The following NBEAL2 variants were observed in gnomAD, a reference collection of about 807,000 sequenced individuals.
The protein encoded by NBEAL2 is neurobeachin like 2, also known as neurobeachin-like protein 2.
A neutral mutation model predicts 299.8 loss-of-function variants in NBEAL2; 160 were observed. The observed-to-expected ratio is 0.53, with a 90% CI of 0.47 to 0.61. The LOEUF (loss-of-function observed/expected upper bound fraction) is 0.61, where lower values mean the gene tolerates loss of function less well. Ranked by LOEUF, NBEAL2 falls within the 20% of genes least tolerant of loss-of-function variation. The pLI, the probability that NBEAL2 is intolerant of heterozygous loss-of-function variation, is 0.00. For missense variants in NBEAL2, 3,112 were observed against 3,649.0 expected (o/e 0.85, Z 3.79); for synonymous variants, 1,493 against 1,542.3 (o/e 0.97, Z 0.75).
Position 47,002,694 on chromosome 3 carries a change from G to C in NBEAL2, c.5351G>C (p.Arg1784Pro). ...AGGCGGGCGCGCCTGGAGGGGCTAC[G>C]CTACACGGCAGTGCTGAAGCAGCAG... is the stretch of plus-strand genomic sequence containing the variant. The part of the protein sequence containing the change: ...AQRRARLEGL[R>P]YTAVLKQQAT... The change falls in exon 33 of 54, where the codon CGC (arginine) becomes CCC (proline). Residue 1784 changes from arginine (R) to proline (P), a missense_variant. Arg to Pro is a moderately radical substitution (Grantham distance 103). Around this residue, in one of 3 missense-constraint regions of NBEAL2, gnomAD observed 2,243 missense variants for 2,538.1 expected, o/e 0.88. Transcript: ENST00000450053. 1.2e-6 allele frequency: 2 copies of C among 1,603,448 alleles called. No homozygotes were observed. The highest frequency in any genetic ancestry group is 1.7e-6 in the Non-Finnish European group (2 of 1,176,886).
intron 11 of NBEAL2, 46 bp from the exon 12 acceptor site, chr3:46,994,409 C>A: frequency 6.6e-7 from 1 of 1,524,494 alleles, no homozygotes; most frequent in Non-Finnish European, 8.9e-7. Context: ...AGTTTGCCCT[C>A]CGGCCCATGT....
At position 46,989,070 on chromosome 3, in the gene NBEAL2, C is replaced by A; in HGVS notation, c.270-15C>A. On this transcript the variant is annotated splice_polypyrimidine_tract_variant and intron_variant, in intron 3 of 53. Coordinates refer to ENST00000450053, the MANE Select transcript of NBEAL2 (RefSeq NM_015175.3). The surrounding 1 kb of genome is among the most constrained non-coding windows in gnomAD (Gnocchi z 5.5). ...GGTGTATTATTGTGACCTCTCTCAT[C>A]ATTGACTCCCCCAGGAACCTGGAGA... 3 of 1,613,152 alleles carry A rather than the reference C, an allele frequency of 1.9e-6. No homozygotes were observed. The highest frequency in any genetic ancestry group is 1.7e-5 in the Admixed American group (1 of 59,880).
rs1302567862 is a variant in NBEAL2, at chr3:47,005,634, C to T, written c.6691+15C>T. On this transcript the variant is annotated intron_variant, in intron 41 of 53. Transcript: ENST00000450053. ...GAACCAGAACGGTAGGTGTGAGGTG[C>T]TCACACTGGAGCGGGCAGGTGTAGG... is the stretch of plus-strand genomic sequence containing the variant. The T allele has an allele frequency of 1.9e-6, 3 of 1,613,662 alleles. No individual in the cohort carries two copies. Among genetic ancestry groups the T allele is most frequent in the African/African-American group, 1.3e-5 (1 of 75,050 alleles).
rs764547656 is a variant in NBEAL2 at position 46,997,026 on chromosome 3, G to T, written c.2629G>T (p.Val877Leu). 1 of 1,613,322 alleles carries T rather than the reference G, an allele frequency of 6.2e-7. No individual in the cohort carries two copies. The highest frequency in any genetic ancestry group is 8.5e-7 in the Non-Finnish European group (1 of 1,179,720). ...GLDGRLTGHRVETWDVKDVVN... is the reference protein window; with the variant it reads ...GLDGRLTGHRLETWDVKDVVN... ...TGATGGGCGCCTGACGGGCCACAGA[G>T]TGGAGACCTGGGATGTGAAGGTCTG... The change falls in exon 18 of 54, where the codon GTG becomes TTG. Residue 877 changes from valine (V) to leucine (L), a missense_variant. Physicochemically the swap from Val to Leu is conservative, Grantham distance 32. Around this residue, in one of 3 missense-constraint regions of NBEAL2, gnomAD observed 2,243 missense variants for 2,538.1 expected, o/e 0.88. Coordinates refer to ENST00000450053, the MANE Select transcript of NBEAL2 (RefSeq NM_015175.3).
rs1184884284 is a variant in NBEAL2, at chr3:46,997,424, A to G, written c.2815A>G (p.Lys939Glu). The change falls in exon 19 of 54, where the codon AAA (lysine) becomes GAA (glutamate). Residue 939 changes from lysine (K) to glutamate (E), a missense_variant. Coordinates refer to ENST00000450053, the MANE Select transcript of NBEAL2 (RefSeq NM_015175.3). ...CCAGGGCCTGGTTCTCCCATTGGGT[A>G]AATCTTCAGGTAAGTGTTCCTGGTG... ...NTQGLVLPLGKSSEERMERNA... is the reference protein window; with the variant it reads ...NTQGLVLPLGESSEERMERNA... 3.1e-6 allele frequency: 5 copies of G among 1,608,926 alleles called. No homozygotes were observed. Among genetic ancestry groups the G allele is most frequent in the Non-Finnish European group, 4.2e-6 (5 of 1,177,416 alleles).
chr3:46,999,627 C>G lies in NBEAL2; in HGVS notation c.3704-3C>G, dbSNP rs552907954. The G allele has an allele frequency of 1.9e-6, 3 of 1,609,784 alleles. No homozygotes were observed. Among genetic ancestry groups the G allele is most frequent in the South Asian group, 1.1e-5 (1 of 90,992 alleles). On this transcript the variant is annotated splice_polypyrimidine_tract_variant and splice_region_variant and intron_variant, in intron 25 of 53. Transcript: ENST00000450053. ...CTCAGGTCCCCCCAACCCATCCCCC[C>G]AGATTGCCTGAACCTCTCAGATCTG...
Position 47,003,731 on chromosome 3 carries a change from G to T in NBEAL2, c.5721-85G>T. 6.8e-7 allele frequency: 1 copy of T among 1,471,820 alleles called. No homozygotes were observed. The highest frequency in any genetic ancestry group is 1.4e-5 in the South Asian group (1 of 73,394). 91.2% of individuals were successfully genotyped at this position (1,471,820 alleles called of 1,614,324 possible). A position where few individuals can be genotyped will look rare whatever the true frequency, so the allele number is the denominator to read the frequency against. On this transcript the variant is annotated intron_variant, in intron 35 of 53. Coordinates refer to ENST00000450053, the MANE Select transcript of NBEAL2 (RefSeq NM_015175.3). The surrounding 1 kb of genome is among the most constrained non-coding windows in gnomAD (Gnocchi z 7.0). ...GGAGTCATGAGAGTATATACCCCAT[G>T]ACTCAATGGCACTTGGATGCCCTTT...
At position 46,989,186 on chromosome 3, in the gene NBEAL2, G is replaced by T. The variant is rs766754522; in HGVS notation, c.351+20G>T. ...GCGGAGGTGAAGTGGCCTCTACCTT[G>T]GGGGGCAGAGGGTGTATGCAGGGAG... is the stretch of plus-strand genomic sequence containing the variant. On this transcript the variant is annotated intron_variant, in intron 4 of 53. Coordinates refer to ENST00000450053, the MANE Select transcript of NBEAL2 (RefSeq NM_015175.3). The surrounding 1 kb of genome is among the most constrained non-coding windows in gnomAD (Gnocchi z 5.5). 1.2e-6 allele frequency: 2 copies of T among 1,613,586 alleles called. No individual in the cohort carries two copies. Among genetic ancestry groups the T allele is most frequent in the Admixed American group, 1.7e-5 (1 of 59,966 alleles).
chr3:46,989,487 T>G lies in NBEAL2; in HGVS notation c.474-24T>G. The G allele has an allele frequency of 6.3e-7, 1 of 1,578,066 alleles. No homozygotes were observed. Among genetic ancestry groups the G allele is most frequent in the Non-Finnish European group, 8.6e-7 (1 of 1,162,126 alleles). On this transcript the variant is annotated intron_variant, in intron 5 of 53. Transcript: ENST00000450053. This position sits in a 1 kb window ranked among gnomAD's most constrained non-coding sequence, Gnocchi z 5.5. ...CCAGGAGTGGTGAGAGCCGGGCTGA[T>G]GTACTTGGCCTCACTGCCCCCAGGG... is the stretch of plus-strand genomic sequence containing the variant.
At chr3:47,005,423 G>T in intron 40 of NBEAL2, 66 bp from the exon 41 acceptor site, 1 of 1,582,328 alleles carries the variant, frequency 6.3e-7, no homozygotes, top group East Asian at 2.3e-5. Context: ...CTTCCCTCCA[G>T]CCACAGCATC....
chr3:47,008,595 G>T lies in NBEAL2; in HGVS notation c.7954G>T (p.Ala2652Ser). Residue 2652 changes from alanine (A) to serine (S), a missense_variant, in exon 52 of 54, where the codon GCC (alanine) becomes TCC (serine). Coordinates refer to ENST00000450053, the MANE Select transcript of NBEAL2 (RefSeq NM_015175.3). ...ACTGCCCCTGGCAGAGCAGCCTACA[G>T]CCCTGACGGTGACAGAGGACTTTGT... ...ASLPLAEQPTALTVTEDFVLL... is the reference protein window; with the variant it reads ...ASLPLAEQPTSLTVTEDFVLL... 1 of 1,613,690 alleles carries T rather than the reference G, an allele frequency of 6.2e-7. No homozygotes were observed.
intron 23 of NBEAL2, 23 bp from the exon 24 acceptor site, chr3:46,998,936 A>C (rs376346299): frequency 8.1e-6 from 13 of 1,603,806 alleles, no homozygotes; most frequent in Non-Finnish European, 1.1e-5. Flanking sequence ...GGCCCGACAC[A>C]GTGTGAGACC....
At chr3:47,005,418 C>A in intron 40 of NBEAL2, 71 bp from the exon 41 acceptor site, 1 of 1,579,436 alleles carries the variant, frequency 6.3e-7, no homozygotes, top group South Asian at 1.2e-5. Context: ...CCCTTCTTCC[C>A]TCCAGCCACA....
rs753022657 is a variant in NBEAL2 at position 47,003,884 on chromosome 3, C to T, written c.5789C>T (p.Thr1930Met). Residue 1930 changes from threonine to methionine, a missense_variant, in exon 36 of 54, where the codon ACG (threonine) becomes ATG (methionine). This residue lies in a region of NBEAL2 where 521 missense variants were observed against 729.6 expected (regional missense o/e 0.71). Coordinates refer to ENST00000450053, the MANE Select transcript of NBEAL2 (RefSeq NM_015175.3). This position sits in a 1 kb window ranked among gnomAD's most constrained non-coding sequence, Gnocchi z 7.0. ...CTGTCGGCCGAGTGCCAGCTGGTGA[C>T]GGTAGTGGCCGTGGTCCCAGGGCTG... Reference protein sequence around the residue: ...LVLSAECQLVTVVAVVPGLLE... With the variant: ...LVLSAECQLVMVVAVVPGLLE... 1.7e-5 allele frequency: 27 copies of T among 1,613,466 alleles called. No individual in the cohort carries two copies. Among genetic ancestry groups the T allele is most frequent in the East Asian group, 2.2e-5 (1 of 44,888 alleles).
chr3:46,993,147 T>C (rs2036229352), intron 10 of NBEAL2, among the ~76,000 whole-genome samples: 1 of 152,204 alleles, frequency 6.6e-6, no homozygotes, highest in African/African-American at 2.4e-5. Flanking sequence ...CCGCATGTGG[T>C]CATTTTCTTA....
rs1184148033 is a variant in NBEAL2, at chr3:47,009,351, CCCCGGCAGGCCTGGCCCGGGAGGCCCCG to C, written c.*35_*62del. 2 of 1,554,098 alleles carry C rather than the reference CCCCGGCAGGCCTGGCCCGGGAGGCCCCG, an allele frequency of 1.3e-6. No homozygotes were observed. Among genetic ancestry groups the C allele is most frequent in the African/African-American group, 2.7e-5 (2 of 73,084 alleles). On this transcript the variant is annotated 3_prime_UTR_variant, in exon 54 of 54. Coordinates refer to ENST00000450053, the MANE Select transcript of NBEAL2 (RefSeq NM_015175.3). ...GCCAGTCCGGCTGCTCGGGCCCCGC[CCCCGGCAGGCCTGGCCCGGGAGGCCCCG>C]CCCAGAAGTCGGCGGGAACACCCCG...
rs2035807266 is a variant in NBEAL2 at position 46,988,116 on chromosome 3, C to T, written c.52-553C>T. Reference sequence around the variant, plus strand: ...GTGGGTGGAGGTTCCCGGGGCAAGGCAGGGCCGCACATGAGGATGTGCGCA... The same window carrying T: ...GTGGGTGGAGGTTCCCGGGGCAAGGTAGGGCCGCACATGAGGATGTGCGCA... On this transcript the variant is annotated intron_variant, in intron 1 of 53. Transcript: ENST00000450053. This position sits in a 1 kb window ranked among gnomAD's most constrained non-coding sequence, Gnocchi z 4.4. 3 of 1,160,740 alleles carry T rather than the reference C, an allele frequency of 2.6e-6. No individual in the cohort carries two copies. The highest frequency in any genetic ancestry group is 2.2e-6 in the Non-Finnish European group (2 of 914,310). The allele number at this position is 1,160,740 out of a possible 1,614,324, so 71.9% of individuals were successfully genotyped here.
chr3:46,999,589 G>C (rs775332457), intron 25 of NBEAL2, 41 bp from the exon 26 acceptor site: 1 of 1,590,600 alleles, frequency 6.3e-7, no homozygotes, highest in Non-Finnish European at 8.6e-7. Context: ...GCCCTTTCTA[G>C]TCTGGTCAGT....
At position 47,002,450 on chromosome 3, in the gene NBEAL2, G is replaced by A. The variant is rs756339289; in HGVS notation, c.5231G>A (p.Cys1744Tyr). The A allele has an allele frequency of 6.2e-7, 1 of 1,613,334 alleles. No homozygotes were observed. Among genetic ancestry groups the A allele is most frequent in the Admixed American group, 1.7e-5 (1 of 60,030 alleles). The stretch of plus-strand genomic sequence containing the variant: ...CTTATGTCAGGTTTCTGGAATGCCT[G>A]CTATGACATGCTTATGAGCAGTGGG... Reference protein sequence around the residue: ...HDLMSGFWNACYDMLMSSGQR... With the variant: ...HDLMSGFWNAYYDMLMSSGQR... Residue 1744 changes from cysteine (C) to tyrosine (Y), a missense_variant, in exon 32 of 54, where the codon TGC (cysteine) becomes TAC (tyrosine). Transcript: ENST00000450053.
Sources: gnomAD v4.1 joint callset for allele counts (sites outside exome capture counted in the v4.1 genomes callset) on GRCh38, gnomAD v4.1.1 for gene constraint, gnomAD v4.1.1 regional missense constraint, Gnocchi (gnomAD v3.1) non-coding constraint, MANE v1.5 for transcripts, NCBI Gene and HGNC (gene_info 2026-07-23, HGNC 2026-07-21) for gene names.